Variants in GDPD5 observed in about 807,000 individuals in gnomAD.
GDPD5 encodes the protein glycerophosphodiester phosphodiesterase 2.
In GDPD5, 48 loss-of-function variants were observed where a neutral mutation model predicts 75.1. That is an observed-to-expected ratio of 0.64 (90% CI 0.51 to 0.81). The LOEUF (loss-of-function observed/expected upper bound fraction) is 0.81. GDPD5 is among the 40% of genes least tolerant of loss of function. GDPD5 has a pLI of 0.00. For missense variants in GDPD5, 706 were observed against 822.6 expected (o/e 0.86, Z 1.73); for synonymous variants, 336 against 339.0 (o/e 0.99, Z 0.10).
intron 9 of GDPD5, chr11:75,448,522 C>T: frequency 5.1e-6 from 5 of 987,496 alleles, no homozygotes; most frequent in Non-Finnish European, 6.0e-6. Context: ...ATGGAGTGCA[C>T]TGGTGGCAGA....
intron 12 of GDPD5, 26 bp downstream of exon 12, chr11:75,442,337 G>C: frequency 6.6e-7 from 1 of 1,519,200 alleles, no homozygotes; most frequent in Non-Finnish European, 8.9e-7. Flanking sequence ...GGCTCCCGGG[G>C]GCAGAGCTGC....
At chr11:75,483,285 C>T (rs971413548) in intron 2 of GDPD5, among the ~76,000 whole-genome samples, 1 of 152,172 alleles carries the variant, frequency 6.6e-6, no homozygotes, top group South Asian at 2.1e-4. Context: ...AATTCCTGGC[C>T]CCTACCCTGT....
intron 10 of GDPD5, among the ~76,000 whole-genome samples, chr11:75,443,860 T>C (rs569848861): frequency 1.3e-5 from 2 of 152,228 alleles, no homozygotes; most frequent in Non-Finnish European, 2.9e-5. Context: ...TGCTAGAAAG[T>C]TGTGATAAAC....
At chr11:75,457,554 C>CATTCCTACAAATACAAT in intron 5 of GDPD5, 139 bp downstream of exon 5, 1 of 593,296 alleles carries the variant, frequency 1.7e-6, no homozygotes, top group East Asian at 2.8e-5. Flanking sequence ...CCTTAGGATA[C>CATTCCTACAAATACAAT]ATTCCTACAA....
chr11:75,509,117 G>A (rs1386959034), intron 1 of GDPD5, among the ~76,000 whole-genome samples: 2 of 152,224 alleles, frequency 1.3e-5, no homozygotes, highest in Admixed American at 6.5e-5. Context: ...GCAGGACACA[G>A]AGAGGCTCCT....
chr11:75,441,230 C>T lies in GDPD5; in HGVS notation c.1406G>A (p.Gly469Glu). 2 of 1,614,068 alleles carry T rather than the reference C, an allele frequency of 1.2e-6. No homozygotes were observed. The highest frequency in any genetic ancestry group is 1.7e-6 in the Non-Finnish European group (2 of 1,179,968). ...GTTGTCAGAGGTGACGGATGGGACC[C>T]CCGCACACCACAGCAGGGAGAAGAG... ...PWLFSLLWCA[G>E]VPSVTSDNSH... The change falls in exon 14 of 17, where the codon GGG becomes GAG. Residue 469 changes from glycine (G) to glutamate (E), a missense_variant. Transcript: ENST00000336898.
intron 1 of GDPD5, among the ~76,000 whole-genome samples, chr11:75,524,264 C>T (rs982372994): frequency 6.6e-5 from 10 of 152,238 alleles, no homozygotes; most frequent in African/African-American, 2.2e-4. Flanking sequence ...GCAGGCATTC[C>T]TCGGGGCCCC....
Position 75,449,875 on chromosome 11 carries a change from C to T in GDPD5, c.474+10G>A. ...TGTTGTGAGGGTCCTGGGGGACCCT[C>T]CTCACTCACCTGCAGGGAGATCAGC... On this transcript the variant is annotated intron_variant, in intron 7 of 16. Coordinates refer to ENST00000336898, the MANE Select transcript of GDPD5 (RefSeq NM_030792.8). 1 of 1,612,338 alleles carries T rather than the reference C, an allele frequency of 6.2e-7. No homozygotes were observed.
chr11:75,452,905 GC>G (rs1402480735), intron 6 of GDPD5: 5 of 152,806 alleles, frequency 3.3e-5, no homozygotes, highest in Non-Finnish European at 5.8e-5. Context: ...TGGGCTGGGG[GC>G]TGCTGCCACT....
At chr11:75,477,029 A>G (rs931768579) in intron 3 of GDPD5, among the ~76,000 whole-genome samples, 3 of 152,206 alleles carry the variant, frequency 2.0e-5, no homozygotes, top group Non-Finnish European at 2.9e-5. Flanking sequence ...TAAACACCAC[A>G]CAGGAATTGG....
intron 13 of GDPD5, 48 bp downstream of exon 13, chr11:75,441,598 A>G (rs1592058691): frequency 6.7e-7 from 1 of 1,482,624 alleles, no homozygotes; most frequent in Non-Finnish European, 9.0e-7. Flanking sequence ...GGACTGGGAG[A>G]GACTCAGTCC....
At chr11:75,481,755 G>A (rs569876753) in intron 2 of GDPD5, among the ~76,000 whole-genome samples, 1 of 152,156 alleles carries the variant, frequency 6.6e-6, no homozygotes, top group African/African-American at 2.4e-5. Flanking sequence ...CTACTGTCAT[G>A]TCAGCCACTA....
At position 75,476,869 on chromosome 11, in the gene GDPD5, C is replaced by T. The variant is rs1002745128; in HGVS notation, c.117+750G>A. 2.0e-5 allele frequency among the ~76,000 whole-genome samples: 3 copies of T among 152,272 alleles called. No homozygotes were observed. In the East Asian group the frequency reaches 5.8e-4, roughly 29 times the overall value. On this transcript the variant is annotated intron_variant, in intron 3 of 16. Coordinates refer to ENST00000336898, the MANE Select transcript of GDPD5 (RefSeq NM_030792.8). ...GGCCTCTGACATCAGCGGCAGCCAC[C>T]GCTCCCCATCCCCCACCCCGGCCCA...
chr11:75,506,422 AC>A lies in GDPD5; in HGVS notation c.-144-16103del, dbSNP rs944833870. Among the ~76,000 whole-genome samples the A allele has an allele frequency of 1.5e-4, 23 of 152,278 alleles. 1 individual carries two copies. Among genetic ancestry groups the A allele is most frequent in the African/African-American group, 5.5e-4 (23 of 41,550 alleles). ...AGTGGCTGCCCCTCCACCTAGGAGG[AC>A]CCAGGGTAGCCTCTTAATAAGCTCC... On this transcript the variant is annotated intron_variant, in intron 1 of 16. Coordinates refer to ENST00000336898, the MANE Select transcript of GDPD5 (RefSeq NM_030792.8).
intron 4 of GDPD5, among the ~76,000 whole-genome samples, chr11:75,459,268 C>A (rs999315025): frequency 2.0e-5 from 3 of 151,890 alleles, no homozygotes; most frequent in African/African-American, 7.3e-5. Flanking sequence ...ACATATCTTT[C>A]TGTATTTTTG....
chr11:75,457,761 A>G lies in GDPD5; in HGVS notation c.247T>C (p.Trp83Arg). 1 of 1,614,074 alleles carries G rather than the reference A, an allele frequency of 6.2e-7. No individual in the cohort carries two copies. The highest frequency in any genetic ancestry group is 8.5e-7 in the Non-Finnish European group (1 of 1,179,972). The change falls in exon 5 of 17, where the codon TGG becomes CGG. Residue 83 changes from tryptophan (W) to arginine (R), a missense_variant. Trp to Arg is a moderately radical substitution (Grantham distance 101, BLOSUM62 -3). Coordinates refer to ENST00000336898, the MANE Select transcript of GDPD5 (RefSeq NM_030792.8). The stretch of plus-strand genomic sequence containing the variant: ...AGGATGGGTACGGGCCAGTCGCTCC[A>G]GTAGCCCATGCGGTTGTAGAGGTAC... ...NWYLYNRMGY[W>R]SDWPVPILVT... is the part of the protein sequence containing the mutation.
intron 3 of GDPD5, among the ~76,000 whole-genome samples, chr11:75,471,891 T>C (rs1423413097): frequency 1.3e-5 from 2 of 152,118 alleles, no homozygotes; most frequent in Non-Finnish European, 2.9e-5. Flanking sequence ...CTCTCTCTCT[T>C]GTGGATGTAA....
intron 6 of GDPD5, among the ~76,000 whole-genome samples, chr11:75,453,768 A>G (rs1481092266): frequency 6.6e-6 from 1 of 152,236 alleles, no homozygotes; most frequent in Non-Finnish European, 1.5e-5. Flanking sequence ...TGATAAAAAT[A>G]GCATCTCAAA....
Position 75,437,031 on chromosome 11 carries a change from A to G in GDPD5, c.1574T>C (p.Ile525Thr), listed in dbSNP as rs1238059248. The G allele has an allele frequency of 2.5e-6, 4 of 1,613,174 alleles. No homozygotes were observed. The South Asian group carries it at 4.4e-5, about 18-fold the overall frequency. Residue 525 changes from isoleucine (I) to threonine (T), a missense_variant, in exon 16 of 17, where the codon ATA (isoleucine) becomes ACA (threonine). Ile to Thr is a moderately conservative substitution (Grantham distance 89). Coordinates refer to ENST00000336898, the MANE Select transcript of GDPD5 (RefSeq NM_030792.8). Reference protein sequence around the residue: ...FVLQKWRLGGIRSYNPEQIML... With the variant: ...FVLQKWRLGGTRSYNPEQIML... ...GATCTGCTCAGGGTTGTAGCTCCGT[A>G]TGCCACCCAGGCGCCACCTGCAGAG...
Sources: allele counts gnomAD v4.1 joint callset (sites outside exome capture counted in the v4.1 genomes callset), GRCh38; gene constraint gnomAD v4.1.1; transcripts MANE v1.5; gene names NCBI Gene and HGNC (gene_info 2026-07-23, HGNC 2026-07-21).